Variants in TRPC4 observed in about 807,000 individuals in gnomAD.
TRPC4 encodes transient receptor potential cation channel subfamily C member 4.
A neutral mutation model predicts 99.4 loss-of-function variants in TRPC4; 49 were observed. The observed-to-expected ratio is 0.49, with a 90% CI of 0.39 to 0.63. The LOEUF is 0.63. Among genes scored for constraint, TRPC4 ranks in the 20% least tolerant of loss-of-function variants. The probability of loss-of-function intolerance (pLI) is 0.00; values close to 1 mark genes in which losing one functional copy is unlikely to be tolerated. For missense variants in TRPC4, 898 were observed against 1,152.9 expected (o/e 0.78, Z 3.20); for synonymous variants, 454 against 425.9 (o/e 1.07, Z -0.81).
At chr13:37,849,624 A>G (rs1187967091) in intron 1 of TRPC4, among the ~76,000 whole-genome samples, 1 of 152,212 alleles carries the variant, frequency 6.6e-6, no homozygotes, top group Admixed American at 6.5e-5. Context: ...AGACCGTCCA[A>G]CAGGATCTCA....
intron 1 of TRPC4, among the ~76,000 whole-genome samples, chr13:37,857,460 A>C (rs1317973240): frequency 2.0e-5 from 3 of 151,742 alleles, no homozygotes; most frequent in African/African-American, 7.2e-5. Flanking sequence ...GAATCGCCAA[A>C]GCTATCCTAA....
rs181831385 is a variant in TRPC4 at position 37,818,916 on chromosome 13, G to A, written c.-27-35556C>T. Among the ~76,000 whole-genome samples the A allele has an allele frequency of 2.9e-3, 440 of 151,728 alleles. 2 individuals are homozygous for A. The highest frequency in any genetic ancestry group is 1.0e-2 in the African/African-American group (412 of 41,378). On this transcript the variant is annotated intron_variant, in intron 1 of 10. Coordinates refer to ENST00000379705, the MANE Select transcript of TRPC4 (RefSeq NM_016179.4). Reference sequence around the variant, plus strand: ...GTATACCTATGTAACAAACCTGCACGTTCTGCATATATATCCCAAAACTTA... The same window carrying A: ...GTATACCTATGTAACAAACCTGCACATTCTGCATATATATCCCAAAACTTA...
rs1364069814 is a variant in TRPC4, at chr13:37,635,386, T to C, written c.*1517A>G. ...AATGGGGATAAAAACAGGAGCTACT[T>C]CAGAGGGCTGTAAAGAGCAGTACAT... On this transcript the variant is annotated 3_prime_UTR_variant, in exon 11 of 11. Transcript: ENST00000379705. 6.6e-6 allele frequency among the ~76,000 whole-genome samples: 1 copy of C among 152,088 alleles called. No homozygotes were observed. Among genetic ancestry groups the C allele is most frequent in the Non-Finnish European group, 1.5e-5 (1 of 68,002 alleles).
At chr13:37,736,651 C>T (rs962580087) in intron 3 of TRPC4, among the ~76,000 whole-genome samples, 6 of 152,064 alleles carry the variant, frequency 3.9e-5, no homozygotes, top group Non-Finnish European at 7.4e-5. Context: ...ATATATTATA[C>T]TTTTTTGGTG....
intron 1 of TRPC4, among the ~76,000 whole-genome samples, chr13:37,852,526 C>A (rs1340807560): frequency 4.6e-5 from 7 of 152,092 alleles, no homozygotes; most frequent in African/African-American, 1.7e-4. Context: ...CAGATGTGAC[C>A]CAGAAGATTC....
intron 3 of TRPC4, among the ~76,000 whole-genome samples, chr13:37,725,059 AT>A (rs1313183855): frequency 6.6e-6 from 1 of 152,166 alleles, no homozygotes. Flanking sequence ...TCAATAAAGA[AT>A]TTTTTAAAAA....
chr13:37,714,985 T>C (rs1954612231), intron 3 of TRPC4, among the ~76,000 whole-genome samples: 1 of 152,190 alleles, frequency 6.6e-6, no homozygotes, highest in Non-Finnish European at 1.5e-5. Flanking sequence ...AAACAATATT[T>C]GTTTAATGAA....
intron 2 of TRPC4, among the ~76,000 whole-genome samples, chr13:37,753,031 T>G (rs979408953): frequency 6.6e-6 from 1 of 151,924 alleles, no homozygotes; most frequent in African/African-American, 2.4e-5. Flanking sequence ...ATAGAAATGA[T>G]TTTAATGTAA....
Position 37,808,725 on chromosome 13 carries a change from C to G in TRPC4, c.-27-25365G>C, listed in dbSNP as rs141191032. Among the ~76,000 whole-genome samples the G allele has an allele frequency of 3.2e-3, 487 of 152,118 alleles. 1 individual carries two copies. The highest frequency in any genetic ancestry group is 0.011 in the African/African-American group (474 of 41,526). ...CACCTAAGCATGGTATGAGATCAGC[C>G]AAGGTTACTCTATTCTGGGATCATG... On this transcript the variant is annotated intron_variant, in intron 1 of 10. Coordinates refer to ENST00000379705, the MANE Select transcript of TRPC4 (RefSeq NM_016179.4).
chr13:37,738,214 C>G (rs1955461474), intron 3 of TRPC4, among the ~76,000 whole-genome samples: 1 of 151,990 alleles, frequency 6.6e-6, no homozygotes, highest in African/African-American at 2.4e-5. Flanking sequence ...TTCTGGGAAG[C>G]CATAATAGAA....
chr13:37,763,937 G>C (rs1373471688), intron 2 of TRPC4, among the ~76,000 whole-genome samples: 2 of 151,646 alleles, frequency 1.3e-5, no homozygotes, highest in African/African-American at 4.8e-5. Flanking sequence ...ATAAATGTCT[G>C]GGAAGAAGGA....
At chr13:37,713,062 T>G (rs998549577) in intron 3 of TRPC4, among the ~76,000 whole-genome samples, 3 of 152,178 alleles carry the variant, frequency 2.0e-5, no homozygotes, top group Non-Finnish European at 4.4e-5. Flanking sequence ...AAGCATTTCA[T>G]TTTTCAACCT....
intron 1 of TRPC4, among the ~76,000 whole-genome samples, chr13:37,849,890 A>G (rs902951433): frequency 5.9e-5 from 9 of 152,220 alleles, no homozygotes; most frequent in African/African-American, 1.9e-4. Flanking sequence ...GAAACAACAC[A>G]GAAGACAAAT....
chr13:37,649,731 C>CAAAAAAAAAA lies in TRPC4; in HGVS notation c.2079+1524_2079+1533dup, dbSNP rs775364702. ...TGGGCAACTGAGCGAGACTCCGTCTCAAAAAAAAAAAAAAAAAAAAAAAAA... is the reference window on the plus strand; with the variant it reads ...TGGGCAACTGAGCGAGACTCCGTCTCAAAAAAAAAAAAAAAAAAAAAAAAAAAAAAAAAAA... On this transcript the variant is annotated intron_variant, in intron 8 of 10. Transcript: ENST00000379705. Among the ~76,000 whole-genome samples, 74 of 62,704 alleles carry CAAAAAAAAAA rather than the reference C, an allele frequency of 1.2e-3. 1 individual carries two copies. The highest frequency in any genetic ancestry group is 6.4e-3 in the East Asian group (5 of 784). 41.1% of individuals were successfully genotyped at this position (62,704 alleles called of 152,430 possible).
intron 3 of TRPC4, among the ~76,000 whole-genome samples, chr13:37,744,069 C>T (rs1217919259): frequency 1.3e-5 from 2 of 152,096 alleles, no homozygotes; most frequent in African/African-American, 4.8e-5. Flanking sequence ...GAACTTTACT[C>T]CATTCAACAT....
intron 1 of TRPC4, among the ~76,000 whole-genome samples, chr13:37,867,120 C>T (rs2139745427): frequency 6.6e-6 from 1 of 151,894 alleles, no homozygotes; most frequent in South Asian, 2.1e-4. Flanking sequence ...CTTTACCTGA[C>T]ATTATTTTCA....
At chr13:37,723,025 C>T (rs1954927254) in intron 3 of TRPC4, among the ~76,000 whole-genome samples, 1 of 152,134 alleles carries the variant, frequency 6.6e-6, no homozygotes, top group Non-Finnish European at 1.5e-5. Flanking sequence ...AGCTACGACA[C>T]TGAGTTAGTA....
In TRPC4 at chr13:37,692,325, T is replaced by G. The variant is rs1953743227; in HGVS notation, c.908A>C (p.Gln303Pro). ...TGCCAGCAGCTGTTGACAATTGGGCTGGGCAACAAACTAAACAGAAGGGAA... is the reference window on the plus strand; with the variant it reads ...TGCCAGCAGCTGTTGACAATTGGGCGGGGCAACAAACTAAACAGAAGGGAA... ...IKYRQKEFVA[Q>P]PNCQQLLASR... Residue 303 changes from glutamine (Q) to proline (P), a missense_variant, in exon 4 of 11, where the codon CAG becomes CCG. By Grantham distance (76) the Gln-to-Pro change is moderately conservative (BLOSUM62 -1). Around this residue, in one of 3 missense-constraint regions of TRPC4, gnomAD observed 274 missense variants for 454.9 expected, o/e 0.60. Coordinates refer to ENST00000379705, the MANE Select transcript of TRPC4 (RefSeq NM_016179.4). 6.2e-7 allele frequency: 1 copy of G among 1,612,802 alleles called. No individual in the cohort carries two copies. Among genetic ancestry groups the G allele is most frequent in the African/African-American group, 1.3e-5 (1 of 74,894 alleles).
chr13:37,694,139 G>A (rs1953829241), intron 3 of TRPC4, among the ~76,000 whole-genome samples: 1 of 151,942 alleles, frequency 6.6e-6, no homozygotes, highest in South Asian at 2.1e-4. Context: ...AGAAATCATA[G>A]TCTACTATTT....
Sources: gnomAD v4.1 joint callset for allele counts (sites outside exome capture counted in the v4.1 genomes callset) on GRCh38, gnomAD v4.1.1 for gene constraint, gnomAD v4.1.1 regional missense constraint, MANE v1.5 for transcripts, NCBI Gene and HGNC (gene_info 2026-07-23, HGNC 2026-07-21) for gene names.